Variants in ZFHX3 observed in about 807,000 individuals in gnomAD.
ZFHX3 encodes the protein zinc finger homeobox 3, also known as zinc finger homeobox protein 3.
A neutral mutation model predicts 279.1 loss-of-function variants in ZFHX3; 42 were observed. The observed-to-expected ratio is 0.15, with a 90% CI of 0.12 to 0.19. The LOEUF is 0.19. Among genes scored for constraint, ZFHX3 ranks in the 10% least tolerant of loss-of-function variants. ZFHX3 has a pLI of 1.00. For synonymous variants in ZFHX3, 2,293 were observed against 1,957.8 expected, an observed-to-expected ratio of 1.17 and a Z score of -4.52; for missense variants, 4,981 against 4,754.0, an observed-to-expected ratio of 1.05 and a Z score of -1.40.
chr16:72,921,941 G>A (rs975051749), intron 3 of ZFHX3, among the ~76,000 whole-genome samples: 7 of 152,190 alleles, frequency 4.6e-5, no homozygotes, highest in African/African-American at 1.4e-4. Flanking sequence ...CCTCCCAGCC[G>A]GGTGCGGAGG....
At chr16:73,026,696 C>T (rs1231691001) in intron 1 of ZFHX3, among the ~76,000 whole-genome samples, 2 of 80,698 alleles carry the variant, frequency 2.5e-5, no homozygotes, top group African/African-American at 9.7e-5. Context: ...AAAAAAAAAA[C>T]ACATAGTAAA....
intron 1 of ZFHX3, among the ~76,000 whole-genome samples, chr16:73,835,165 C>T (rs1200315520): frequency 5.9e-5 from 9 of 152,132 alleles, no homozygotes; most frequent in Non-Finnish European, 1.5e-5. Flanking sequence ...GGCTATAAGA[C>T]AAAGTACTCC....
At chr16:73,405,687 G>A (rs1374216799) in intron 3 of ZFHX3, among the ~76,000 whole-genome samples, 5 of 152,002 alleles carry the variant, frequency 3.3e-5, no homozygotes, top group Non-Finnish European at 7.4e-5. Flanking sequence ...GACAGCTTCA[G>A]ACTAGGGATG....
chr16:73,587,081 G>C (rs1349744082), intron 2 of ZFHX3, among the ~76,000 whole-genome samples: 1 of 152,192 alleles, frequency 6.6e-6, no homozygotes, highest in African/African-American at 2.4e-5. Context: ...GAAAGAAAGA[G>C]TGAAATTTTT....
At chr16:73,244,457 A>T (rs989776080) in intron 5 of ZFHX3, among the ~76,000 whole-genome samples, 27 of 152,330 alleles carry the variant, frequency 1.8e-4, no homozygotes, top group East Asian at 7.7e-4. Flanking sequence ...GAGGGACAGG[A>T]CATGGGGGCC....
chr16:72,925,071 T>C (rs1959372175), intron 3 of ZFHX3, among the ~76,000 whole-genome samples: 1 of 152,240 alleles, frequency 6.6e-6, no homozygotes, highest in Non-Finnish European at 1.5e-5. Flanking sequence ...ATATTTGCGG[T>C]CAACTGCCAA....
At chr16:73,862,731 C>T (rs904656815) in intron 1 of ZFHX3, among the ~76,000 whole-genome samples, 1 of 152,006 alleles carries the variant, frequency 6.6e-6, no homozygotes, top group Admixed American at 6.5e-5. Flanking sequence ...GAGCTGTGAT[C>T]ACGCCACTGC....
intron 2 of ZFHX3, among the ~76,000 whole-genome samples, chr16:73,529,952 G>C (rs375492059): frequency 2.9e-4 from 42 of 145,190 alleles, no homozygotes; most frequent in African/African-American, 9.5e-4. Flanking sequence ...TGTGTGTGTT[G>C]GGGTGGAACC....
At chr16:73,444,994 G>A (rs928249248) in intron 3 of ZFHX3, among the ~76,000 whole-genome samples, 13 of 150,130 alleles carry the variant, frequency 8.7e-5, no homozygotes, top group Admixed American at 4.6e-4. Context: ...AATTAGCCAG[G>A]TGTGGTGACA....
At chr16:73,794,365 C>T (rs560869349) in intron 1 of ZFHX3, 1 of 152,412 alleles carries the variant, frequency 6.6e-6, no homozygotes, top group East Asian at 1.9e-4. Flanking sequence ...GGACTCCAAG[C>T]TGCTCATCAA....
At chr16:73,306,427 C>T (rs1335271097) in intron 4 of ZFHX3, among the ~76,000 whole-genome samples, 1 of 152,204 alleles carries the variant, frequency 6.6e-6, no homozygotes, top group Non-Finnish European at 1.5e-5. Context: ...TCAAGCAATT[C>T]TCCTGCCTCA....
At chr16:73,545,349 G>A (rs546312315) in intron 2 of ZFHX3, among the ~76,000 whole-genome samples, 62 of 151,616 alleles carry the variant, frequency 4.1e-4, no homozygotes, top group African/African-American at 1.2e-3. Context: ...TTTGGTTTTA[G>A]AGGGAGGGGG....
intron 4 of ZFHX3, among the ~76,000 whole-genome samples, chr16:72,889,183 A>G (rs991420352): frequency 6.6e-6 from 1 of 152,076 alleles, no homozygotes; most frequent in Non-Finnish European, 1.5e-5. Flanking sequence ...GGACCCAAGA[A>G]ACACCCAGAA....
At chr16:73,342,893 G>A (rs1567455723) in intron 3 of ZFHX3, among the ~76,000 whole-genome samples, 1 of 152,216 alleles carries the variant, frequency 6.6e-6, no homozygotes, top group Non-Finnish European at 1.5e-5. Context: ...GTGACACTGT[G>A]TGGGGGCTGG....
intron 1 of ZFHX3, among the ~76,000 whole-genome samples, chr16:73,785,283 C>T (rs986334382): frequency 1.3e-5 from 2 of 152,130 alleles, no homozygotes; most frequent in South Asian, 2.1e-4. Context: ...TTAGTAACAT[C>T]CTTGCTTTTC....
At chr16:73,462,081 G>A (rs2018480773) in intron 2 of ZFHX3, among the ~76,000 whole-genome samples, 1 of 151,998 alleles carries the variant, frequency 6.6e-6, no homozygotes, top group East Asian at 1.9e-4. Context: ...TCCTGTACAT[G>A]TTTTGATAGA....
At chr16:73,441,776 C>A (rs940793814) in intron 3 of ZFHX3, among the ~76,000 whole-genome samples, 7 of 152,082 alleles carry the variant, frequency 4.6e-5, no homozygotes, top group Admixed American at 6.6e-5. Context: ...AAGTTACTTA[C>A]CCTCTCTGAG....
intron 7 of ZFHX3, among the ~76,000 whole-genome samples, chr16:73,113,202 G>T (rs1190249811): frequency 1.3e-5 from 2 of 152,092 alleles, no homozygotes; most frequent in Non-Finnish European, 2.9e-5. Flanking sequence ...GAGAAAGAGA[G>T]TGGGAGATGG....
intron 4 of ZFHX3, among the ~76,000 whole-genome samples, chr16:73,312,375 A>G (rs1274176708): frequency 6.6e-6 from 1 of 152,118 alleles, no homozygotes; most frequent in Admixed American, 6.5e-5. Context: ...TCTTTCACAT[A>G]ACTTCCAAAC....
Sources: allele counts gnomAD v4.1 joint callset (sites outside exome capture counted in the v4.1 genomes callset), GRCh38; gene constraint gnomAD v4.1.1; transcripts MANE v1.5; gene names NCBI Gene and HGNC (gene_info 2026-07-23, HGNC 2026-07-21).